Variants in NUMBL observed in about 807,000 individuals in gnomAD.
NUMBL encodes the protein numb-like protein.
Under a neutral mutation model 48.9 loss-of-function variants are expected in NUMBL, and 20 were observed. The observed-to-expected ratio is 0.41, with a 90% CI of 0.29 to 0.59. The LOEUF (loss-of-function observed/expected upper bound fraction) is 0.59. NUMBL is among the 20% of genes least tolerant of loss of function. NUMBL has a pLI of 0.31. For missense variants in NUMBL, 660 were observed against 846.2 expected (o/e 0.78, Z 2.73); for synonymous variants, 340 against 348.7 (o/e 0.98, Z 0.28).
Position 40,667,021 on chromosome 19 carries a change from G to T in NUMBL, c.*447C>A. 4.3e-6 allele frequency: 1 copy of T among 231,542 alleles called. No individual in the cohort carries two copies. The highest frequency in any genetic ancestry group is 8.6e-6 in the Non-Finnish European group (1 of 115,898). The allele number at this position is 231,542 out of a possible 1,614,324, so 14.3% of individuals were successfully genotyped here. ...CAGAGGGCAGCCCTTAGCTTGTGCT[G>T]TGCATGGGGGGAGGAGACGACCAGA... is the stretch of plus-strand genomic sequence containing the variant. On this transcript the variant is annotated 3_prime_UTR_variant, in exon 10 of 10. Transcript: ENST00000252891. The surrounding 1 kb of genome is among the most constrained non-coding windows in gnomAD (Gnocchi z 6.1).
rs1359279048 is a variant in NUMBL, at chr19:40,687,190, G to A, written c.25-195C>T. Among the ~76,000 whole-genome samples the A allele has an allele frequency of 6.6e-6, 1 of 152,178 alleles. No homozygotes were observed. The highest frequency in any genetic ancestry group is 2.4e-5 in the African/African-American group (1 of 41,442). On this transcript the variant is annotated intron_variant, in intron 1 of 9. Transcript: ENST00000252891. This position sits in a 1 kb window ranked among gnomAD's most constrained non-coding sequence, Gnocchi z 4.6. ...GGCCCAGGAAGGAGTAGGTATGTTT[G>A]GGGGGCATATGTTGGGGATGTGCTG... is the stretch of plus-strand genomic sequence containing the variant.
In NUMBL at chr19:40,677,138, T is replaced by C; in HGVS notation, c.730+94A>G. ...CTGAAGCATCCCCTACTTTGTAAAC[T>C]GTTGAGTCTCTGCACCTCTGCAGCT... On this transcript the variant is annotated intron_variant, in intron 7 of 9. Transcript: ENST00000252891. The C allele has an allele frequency of 2.2e-6, 3 of 1,335,094 alleles. No individual in the cohort carries two copies. In the South Asian group the frequency reaches 4.1e-5, roughly 18 times the overall value. The allele number at this position is 1,335,094 out of a possible 1,614,324, so 82.7% of individuals were successfully genotyped here. A position where few individuals can be genotyped will look rare whatever the true frequency, so the allele number is the denominator to read the frequency against.
chr19:40,677,448 T>C (rs780150217), intron 6 of NUMBL, 27 bp from the exon 7 acceptor site: 1 of 1,595,078 alleles, frequency 6.3e-7, no homozygotes, highest in Non-Finnish European at 8.5e-7. Context: ...GGCGGGGGGG[T>C]TAGAGGCGCT....
At position 40,687,780 on chromosome 19, in the gene NUMBL, C is replaced by A. The variant is rs192955166; in HGVS notation, c.25-785G>T. Among the ~76,000 whole-genome samples, 1 of 152,234 alleles carries A rather than the reference C, an allele frequency of 6.6e-6. No individual in the cohort carries two copies. Among genetic ancestry groups the A allele is most frequent in the African/African-American group, 2.4e-5 (1 of 41,452 alleles). ...CACGACACAATCGCAGCTATATACA[C>A]TTGTTACACGTATCTCCACTGCTGC... On this transcript the variant is annotated intron_variant, in intron 1 of 9. Transcript: ENST00000252891. This position sits in a 1 kb window ranked among gnomAD's most constrained non-coding sequence, Gnocchi z 4.6.
chr19:40,673,982 G>C lies in NUMBL; in HGVS notation c.731-333C>G, dbSNP rs1568428096. ...ATCACTTAACAAACACTGATTTGGT[G>C]CTGGAACAACGTATCAGGCATTGTT... On this transcript the variant is annotated intron_variant, in intron 7 of 9. Transcript: ENST00000252891. The surrounding 1 kb of genome is among the most constrained non-coding windows in gnomAD (Gnocchi z 5.9). Among the ~76,000 whole-genome samples, 1 of 152,122 alleles carries C rather than the reference G, an allele frequency of 6.6e-6. No individual in the cohort carries two copies. The highest frequency in any genetic ancestry group is 1.5e-5 in the Non-Finnish European group (1 of 68,040).
In NUMBL at chr19:40,680,902, T is replaced by G; in HGVS notation, c.540+15A>C. 6.2e-7 allele frequency: 1 copy of G among 1,614,064 alleles called. No homozygotes were observed. Among genetic ancestry groups the G allele is most frequent in the Non-Finnish European group, 8.5e-7 (1 of 1,179,946 alleles). ...GCATGGGAGGGAAGAGTTGGCCAGC[T>G]GTGGCAATACTCACGGAGTCCTTCA... On this transcript the variant is annotated intron_variant, in intron 6 of 9. Transcript: ENST00000252891.
Position 40,681,045 on chromosome 19 carries a change from C to G in NUMBL, c.412G>C (p.Asp138His). The G allele has an allele frequency of 6.2e-7, 1 of 1,614,090 alleles. No individual in the cohort carries two copies. The highest frequency in any genetic ancestry group is 1.6e-4 in the Middle Eastern group (1 of 6,062). The stretch of plus-strand genomic sequence containing the variant: ...AAGGAGACCTTTTCGATGGTCTGGT[C>G]GACCAGAAGATCCTAGGAGGGGCCG... ...VDDKTKDLLV[D>H]QTIEKVSFCA... The change falls in exon 6 of 10, where the codon GAC (aspartate) becomes CAC (histidine). Residue 138 changes from aspartate (D) to histidine (H), a missense_variant. Physicochemically the swap from Asp to His is moderately conservative, Grantham distance 81 (BLOSUM62 -1). Around this residue, in one of 3 missense-constraint regions of NUMBL, gnomAD observed 278 missense variants for 420.6 expected, o/e 0.66. Transcript: ENST00000252891.
In NUMBL at chr19:40,666,840, G is replaced by C. The variant is rs1488470466; in HGVS notation, c.*628C>G. The stretch of plus-strand genomic sequence containing the variant: ...CCTCCCCAGCGGGCACCGACATGAG[G>C]TAACTGCGCATCTTCTCCTCCTCCT... On this transcript the variant is annotated 3_prime_UTR_variant, in exon 10 of 10. Coordinates refer to ENST00000252891, the MANE Select transcript of NUMBL (RefSeq NM_004756.5). 1 of 153,252 alleles carries C rather than the reference G, an allele frequency of 6.5e-6. No individual in the cohort carries two copies. Among genetic ancestry groups the C allele is most frequent in the Non-Finnish European group, 1.5e-5 (1 of 68,478 alleles). 9.5% of individuals were successfully genotyped at this position (153,252 alleles called of 1,614,324 possible).
At chr19:40,684,606 T>G in intron 2 of NUMBL, 50 bp from the exon 3 acceptor site, 1 of 1,556,652 alleles carries the variant, frequency 6.4e-7, no homozygotes, top group South Asian at 1.2e-5. Flanking sequence ...TCAGAAGGTA[T>G]GGAGCTCAAC....
chr19:40,681,157 G>A lies in NUMBL; in HGVS notation c.400-100C>T, dbSNP rs561264769. On this transcript the variant is annotated intron_variant, in intron 5 of 9. Transcript: ENST00000252891. ...CTGCTGAAATCCAGTCCTGAACAGG[G>A]TGGGGACCCAGCAGTCACTGAGACA... The A allele has an allele frequency of 2.2e-4, 295 of 1,343,434 alleles. 2 individuals are homozygous for A. The Middle Eastern group carries it at 5.5e-3, about 25-fold the overall frequency. The allele number at this position is 1,343,434 out of a possible 1,614,324, so 83.2% of individuals were successfully genotyped here. A position where few individuals can be genotyped will look rare whatever the true frequency, so the allele number is the denominator to read the frequency against.
Position 40,667,637 on chromosome 19 carries a change from C to T in NUMBL, c.1661G>A (p.Arg554His), listed in dbSNP as rs751474840. ...CCAGGGGGCCCCATTGGGGCGAGGG[C>T]GGGCCTGGCTCCCAGGGGCACTGGG... ...AIPSAPGSQA[R>H]PRPNGAPWPP... Residue 554 changes from arginine (R) to histidine (H), a missense_variant, in exon 10 of 10, where the codon CGC becomes CAC. Physicochemically the swap from Arg to His is conservative, Grantham distance 29. Around this residue, in one of 3 missense-constraint regions of NUMBL, gnomAD observed 296 missense variants for 339.7 expected, o/e 0.87. Coordinates refer to ENST00000252891, the MANE Select transcript of NUMBL (RefSeq NM_004756.5). This position sits in a 1 kb window ranked among gnomAD's most constrained non-coding sequence, Gnocchi z 6.1. 45 of 1,556,694 alleles carry T rather than the reference C, an allele frequency of 2.9e-5. No homozygotes were observed. Among genetic ancestry groups the T allele is most frequent in the East Asian group, 2.2e-4 (9 of 41,712 alleles).
rs578179945 is a variant in NUMBL, at chr19:40,687,213, C to A, written c.25-218G>T. Among the ~76,000 whole-genome samples the A allele has an allele frequency of 1.3e-5, 2 of 152,180 alleles. No homozygotes were observed. The highest frequency in any genetic ancestry group is 2.1e-4 in the South Asian group (1 of 4,834). On this transcript the variant is annotated intron_variant, in intron 1 of 9. Transcript: ENST00000252891. The surrounding 1 kb of genome is among the most constrained non-coding windows in gnomAD (Gnocchi z 4.6). ...TTGGGGGGCATATGTTGGGGATGTGCTGGCCTCAGGAGAGCCTCACTGCCC... is the reference window on the plus strand; with the variant it reads ...TTGGGGGGCATATGTTGGGGATGTGATGGCCTCAGGAGAGCCTCACTGCCC...
chr19:40,669,317 A>G (rs966259222), intron 9 of NUMBL, among the ~76,000 whole-genome samples: 1 of 151,840 alleles, frequency 6.6e-6, no homozygotes, highest in Non-Finnish European at 1.5e-5. Context: ...AAAATGATCA[A>G]GGGCTCTGAG....
rs2081814307 is a variant in NUMBL at position 40,667,240 on chromosome 19, G to A, written c.*228C>T. ...GGGCATTGCCAGCCTAAGTCCGGCA[G>A]TGAAATGGTTCCCTTAGCCAGGCTG... is the stretch of plus-strand genomic sequence containing the variant. On this transcript the variant is annotated 3_prime_UTR_variant, in exon 10 of 10. Transcript: ENST00000252891. The surrounding 1 kb of genome is among the most constrained non-coding windows in gnomAD (Gnocchi z 6.1). 6 of 602,712 alleles carry A rather than the reference G, an allele frequency of 1.0e-5. No individual in the cohort carries two copies. The highest frequency in any genetic ancestry group is 1.1e-5 in the Non-Finnish European group (4 of 353,774). The allele number at this position is 602,712 out of a possible 1,614,324, so 37.3% of individuals were successfully genotyped here. A position where few individuals can be genotyped will look rare whatever the true frequency, so the allele number is the denominator to read the frequency against.
chr19:40,677,411 A>G lies in NUMBL; in HGVS notation c.551T>C (p.Leu184Pro). 6.2e-7 allele frequency: 1 copy of G among 1,609,102 alleles called. No individual in the cohort carries two copies. Among genetic ancestry groups the G allele is most frequent in the Non-Finnish European group, 8.5e-7 (1 of 1,179,768 alleles). Residue 184 changes from leucine (L) to proline (P), a missense_variant, in exon 7 of 10, where the codon CTG becomes CCG. Around this residue, in one of 3 missense-constraint regions of NUMBL, gnomAD observed 278 missense variants for 420.6 expected, o/e 0.66. Transcript: ENST00000252891. ...FLALKDSGER[L>P]SHAVGCAFAA... The stretch of plus-strand genomic sequence containing the variant: ...AAAAGCACAGCCCACAGCGTGGCTC[A>G]GCCTCTCGCCCTATGGGGAGAGGAT...
At chr19:40,671,177 C>T (rs1397460149) in intron 8 of NUMBL, among the ~76,000 whole-genome samples, 1 of 151,966 alleles carries the variant, frequency 6.6e-6, no homozygotes, top group African/African-American at 2.4e-5. Flanking sequence ...TGAGATCTTG[C>T]TGTGGTGCCC....
chr19:40,684,594 G>A (rs780608594), intron 2 of NUMBL, 38 bp from the exon 3 acceptor site: 11 of 1,571,024 alleles, frequency 7.0e-6, no homozygotes, highest in Non-Finnish European at 9.5e-6. Flanking sequence ...CAAGGGTGGG[G>A]GTCAGAAGGT....
At chr19:40,675,422 A>C (rs921857524) in intron 7 of NUMBL, among the ~76,000 whole-genome samples, 1 of 151,918 alleles carries the variant, frequency 6.6e-6, no homozygotes, top group African/African-American at 2.4e-5. Flanking sequence ...GTCTCCCTTA[A>C]TCAGGATCAG....
chr19:40,684,171 C>T (rs113161981), intron 3 of NUMBL: 1 of 434,972 alleles, frequency 2.3e-6, no homozygotes, highest in South Asian at 2.5e-5. Context: ...CGGGTTCAAG[C>T]GATTCTCCTG....
Sources: gnomAD v4.1 joint callset for allele counts (sites outside exome capture counted in the v4.1 genomes callset) on GRCh38, gnomAD v4.1.1 for gene constraint, gnomAD v4.1.1 regional missense constraint, Gnocchi (gnomAD v3.1) non-coding constraint, MANE v1.5 for transcripts, NCBI Gene and HGNC (gene_info 2026-07-23, HGNC 2026-07-21) for gene names.